ALDH1L1: variants seen among roughly 807,000 people sequenced by gnomAD.
ALDH1L1 encodes the protein aldehyde dehydrogenase 1 family member L1.
ALDH1L1 carries 68 observed loss-of-function variants against 101.1 expected under a neutral mutation model. That is an observed-to-expected ratio of 0.67 (90% CI 0.55 to 0.82). ALDH1L1 has a LOEUF of 0.82. Among genes scored for constraint, ALDH1L1 ranks in the 40% least tolerant of loss-of-function variants. ALDH1L1 has a pLI of 0.00. For missense variants in ALDH1L1, 1,087 were observed against 1,172.7 expected (o/e 0.93, Z 1.07); for synonymous variants, 486 against 470.8 (o/e 1.03, Z -0.42).
chr3:126,120,455 A>G (rs933044001), intron 16 of ALDH1L1, among the ~76,000 whole-genome samples: 1 of 152,264 alleles, frequency 6.6e-6, no homozygotes, highest in Admixed American at 6.5e-5. Context: ...ACTGGTTGCC[A>G]GGGATTAGAC....
intron 11 of ALDH1L1, 56 bp from the exon 12 acceptor site, chr3:126,135,718 C>T: frequency 6.9e-7 from 1 of 1,447,002 alleles, no homozygotes; most frequent in Non-Finnish European, 9.1e-7. Context: ...CACACAGATA[C>T]CCCTGCCTGC....
rs571469666 is a variant in ALDH1L1, at chr3:126,120,419, A to G, written c.1889-2321T>C. 8.5e-4 allele frequency among the ~76,000 whole-genome samples: 130 copies of G among 152,256 alleles called. 1 individual carries two copies. The highest frequency in any genetic ancestry group is 1.2e-3 in the Non-Finnish European group (84 of 68,046). On this transcript the variant is annotated intron_variant, in intron 16 of 22. Coordinates refer to ENST00000393434, the MANE Select transcript of ALDH1L1 (RefSeq NM_012190.4). ...AATTACATGACATTCTGGAAAAGGC[A>G]TAACGATGGAGACAAGAAAAAGATC...
At chr3:126,194,116 C>T (rs182523165) in intron 1 of ALDH1L1, among the ~76,000 whole-genome samples, 26 of 152,210 alleles carry the variant, frequency 1.7e-4, no homozygotes, top group African/African-American at 6.3e-4. Flanking sequence ...TAGTCAAAGG[C>T]ACAATATAAA....
rs150705699 is a variant in ALDH1L1, at chr3:126,120,696, G to A, written c.1889-2598C>T. 5.2e-3 allele frequency among the ~76,000 whole-genome samples: 794 copies of A among 152,176 alleles called. 4 individuals are homozygous for A. Among genetic ancestry groups the A allele is most frequent in the African/African-American group, 0.017 (698 of 41,518 alleles). On this transcript the variant is annotated intron_variant, in intron 16 of 22. Coordinates refer to ENST00000393434, the MANE Select transcript of ALDH1L1 (RefSeq NM_012190.4). Reference sequence around the variant, plus strand: ...TAGTGGAGGGCTGTGTCTGTGTGGGGGCAGGTGGTGTATAGGGACTCTGTA... The same window carrying A: ...TAGTGGAGGGCTGTGTCTGTGTGGGAGCAGGTGGTGTATAGGGACTCTGTA...
At chr3:126,113,045 G>A (rs78809709) in intron 18 of ALDH1L1, among the ~76,000 whole-genome samples, 165 bp from the exon 19 acceptor site, 5,863 of 152,262 alleles carry the variant, frequency 0.039, 361 homozygotes, top group African/African-American at 0.13. Flanking sequence ...AAGAGGAGAG[G>A]TGAGAGGTAA....
intron 1 of ALDH1L1, among the ~76,000 whole-genome samples, chr3:126,171,197 C>T (rs2081269210): frequency 6.6e-6 from 1 of 152,174 alleles, no homozygotes; most frequent in African/African-American, 2.4e-5. Flanking sequence ...ACTCAGGAGG[C>T]TGAGGCAGGA....
intron 1 of ALDH1L1, among the ~76,000 whole-genome samples, chr3:126,178,401 A>G (rs1400984600): frequency 6.6e-6 from 1 of 151,424 alleles, no homozygotes; most frequent in Admixed American, 6.6e-5. Context: ...AAAAAGAAAA[A>G]AAAAAAAAGA....
At chr3:126,151,202 A>ACTT (rs1017208776) in intron 7 of ALDH1L1, 1 of 152,242 alleles carries the variant, frequency 6.6e-6, no homozygotes, top group African/African-American at 2.4e-5. Flanking sequence ...TAGAAAGTCA[A>ACTT]CTTAGAAAAA....
intron 21 of ALDH1L1, 119 bp from the exon 22 acceptor site, chr3:126,106,044 C>A (rs1432961168): frequency 9.1e-7 from 1 of 1,095,988 alleles, no homozygotes; most frequent in African/African-American, 1.6e-5. Flanking sequence ...AGAAAATGTG[C>A]CGGGCTGCAG....
chr3:126,109,093 A>G (rs974802022), intron 20 of ALDH1L1, among the ~76,000 whole-genome samples: 1 of 152,180 alleles, frequency 6.6e-6, no homozygotes, highest in Non-Finnish European at 1.5e-5. Flanking sequence ...TCAGGCCAAT[A>G]ATTTAAATGA....
At chr3:126,159,753 G>C (rs959499227) in intron 2 of ALDH1L1, among the ~76,000 whole-genome samples, 1 of 152,194 alleles carries the variant, frequency 6.6e-6, no homozygotes, top group Non-Finnish European at 1.5e-5. Context: ...TAGTGGCTGG[G>C]TGTAGGACCC....
intron 7 of ALDH1L1, chr3:126,150,950 C>T: frequency 5.8e-6 from 1 of 173,794 alleles, no homozygotes; most frequent in Non-Finnish European, 1.2e-5. Flanking sequence ...CCAGCCTTGT[C>T]TCCAACCTTC....
At chr3:126,125,522 G>T in intron 15 of ALDH1L1, 94 bp downstream of exon 15, 1 of 999,718 alleles carries the variant, frequency 1.0e-6, no homozygotes, top group Non-Finnish European at 1.4e-6. Context: ...GTGCCCGTGT[G>T]GCCAAGAGAG....
At chr3:126,144,351 C>T (rs1286421539) in intron 9 of ALDH1L1, among the ~76,000 whole-genome samples, 1 of 152,104 alleles carries the variant, frequency 6.6e-6, no homozygotes, top group African/African-American at 2.4e-5. Flanking sequence ...GCAGAAATTA[C>T]AAAAATCATC....
At chr3:126,172,418 C>G (rs181843596) in intron 1 of ALDH1L1, among the ~76,000 whole-genome samples, 13 of 151,834 alleles carry the variant, frequency 8.6e-5, no homozygotes, top group Non-Finnish European at 1.8e-4. Flanking sequence ...AAATAAAAAC[C>G]CTGTGATAAA....
intron 9 of ALDH1L1, among the ~76,000 whole-genome samples, chr3:126,142,220 G>C (rs2080582552): frequency 6.7e-6 from 1 of 149,006 alleles, no homozygotes; most frequent in Admixed American, 6.7e-5. Flanking sequence ...TTCCAGTAAA[G>C]AAAAGCCCAG....
Position 126,136,845 on chromosome 3 carries a change from G to A in ALDH1L1, c.1263C>T (p.Pro421=). ...ACTCCCCCCCAATGAAGAGCTGGTG[G>A]GGCATGCGGACAGTGCGCTTGTTCA... ...MAVNKRTVRM[P]HQLFIGGEFV... is the part of the protein sequence containing the mutation. The change falls in exon 11 of 23, where the codon CCC becomes CCT. Residue 421 remains proline, a synonymous_variant. Coordinates refer to ENST00000393434, the MANE Select transcript of ALDH1L1 (RefSeq NM_012190.4). The A allele has an allele frequency of 6.2e-7, 1 of 1,612,398 alleles. No individual in the cohort carries two copies. The highest frequency in any genetic ancestry group is 8.5e-7 in the Non-Finnish European group (1 of 1,179,430).
Position 126,157,399 on chromosome 3 carries a change from C to G in ALDH1L1, c.472G>C (p.Asp158His). The change falls in exon 4 of 23, where the codon GAC becomes CAC. Residue 158 changes from aspartate (D) to histidine (H), a missense_variant. Coordinates refer to ENST00000393434, the MANE Select transcript of ALDH1L1 (RefSeq NM_012190.4). The part of the protein sequence containing the change: ...LQKECEVLPD[D>H]TVSTLYNRFL... ...CGGTTGTACAGCGTGCTCACGGTGTCGTCCGGGAGCACCTCACACTCCTTC... is the reference window on the plus strand; with the variant it reads ...CGGTTGTACAGCGTGCTCACGGTGTGGTCCGGGAGCACCTCACACTCCTTC... 1 of 1,614,028 alleles carries G rather than the reference C, an allele frequency of 6.2e-7. No homozygotes were observed. Among genetic ancestry groups the G allele is most frequent in the Non-Finnish European group, 8.5e-7 (1 of 1,179,984 alleles).
rs28413903 is a variant in ALDH1L1 at position 126,179,790 on chromosome 3, G to A, written c.-24+686C>T. 2.7e-3 allele frequency: 409 copies of A among 152,292 alleles called. 2 individuals are homozygous for A. The highest frequency in any genetic ancestry group is 9.5e-3 in the African/African-American group (393 of 41,560). The allele number at this position is 152,292 out of a possible 1,614,324, so 9.4% of individuals were successfully genotyped here. A position where few individuals can be genotyped will look rare whatever the true frequency, so the allele number is the denominator to read the frequency against. On this transcript the variant is annotated intron_variant, in intron 1 of 22. Coordinates refer to ENST00000393434, the MANE Select transcript of ALDH1L1 (RefSeq NM_012190.4). Reference sequence around the variant, plus strand: ...AATTCCGTCTCTGTCTGCACTTTGGGAAGATTCTTTCCTCTCCTAGGCAAG... The same window carrying A: ...AATTCCGTCTCTGTCTGCACTTTGGAAAGATTCTTTCCTCTCCTAGGCAAG...
Sources: gnomAD v4.1 joint callset for allele counts (sites outside exome capture counted in the v4.1 genomes callset) on GRCh38, gnomAD v4.1.1 for gene constraint, MANE v1.5 for transcripts, NCBI Gene and HGNC (gene_info 2026-07-23, HGNC 2026-07-21) for gene names.